The following GRK3 variants were observed in gnomAD, a reference collection of about 807,000 sequenced individuals.
GRK3 encodes the protein adrenergic, beta, receptor kinase 2.
Under a neutral mutation model 95.7 loss-of-function variants are expected in GRK3, and 54 were observed. That is an observed-to-expected ratio of 0.56 (90% confidence interval 0.45 to 0.71). GRK3 has a LOEUF of 0.71. GRK3 is among the 30% of genes least tolerant of loss of function. GRK3 has a pLI of 0.00. For missense variants in GRK3, 649 were observed against 851.2 expected (o/e 0.76, Z 2.96); for synonymous variants, 281 against 290.8 (o/e 0.97, Z 0.34).
Position 25,636,538 on chromosome 22 carries a change from C to A in GRK3, c.191-8054C>A, listed in dbSNP as rs185224162. Among the ~76,000 whole-genome samples the A allele has an allele frequency of 2.3e-4, 35 of 152,250 alleles. No individual in the cohort carries two copies. In the East Asian group the frequency reaches 6.0e-3, roughly 26 times the overall value. ...TAACTCATACTGCTGTGAAAGCAAACCTACTAGCTAGAGTTAATATTTGTT... is the reference window on the plus strand; with the variant it reads ...TAACTCATACTGCTGTGAAAGCAAAACTACTAGCTAGAGTTAATATTTGTT... On this transcript the variant is annotated intron_variant, in intron 2 of 20. Coordinates refer to ENST00000324198, the MANE Select transcript of GRK3 (RefSeq NM_005160.4).
At chr22:25,579,313 A>C (rs995781396) in intron 1 of GRK3, among the ~76,000 whole-genome samples, 1 of 143,952 alleles carries the variant, frequency 6.9e-6, no homozygotes, top group Admixed American at 7.0e-5. Flanking sequence ...TGCCTGGCTA[A>C]TTTTTTTTTT....
chr22:25,612,436 T>G (rs1197149048), intron 2 of GRK3, among the ~76,000 whole-genome samples: 1 of 152,294 alleles, frequency 6.6e-6, no homozygotes, highest in Non-Finnish European at 1.5e-5. Flanking sequence ...TAGAATGAGT[T>G]TTTTTGTAGT....
At chr22:25,647,050 G>GA (rs1373267909) in intron 3 of GRK3, among the ~76,000 whole-genome samples, 2 of 135,516 alleles carry the variant, frequency 1.5e-5, no homozygotes, top group Non-Finnish European at 3.2e-5. Flanking sequence ...AAAAGAAAAA[G>GA]AAAAAAAATG....
intron 2 of GRK3, among the ~76,000 whole-genome samples, chr22:25,613,929 A>G (rs564674999): frequency 6.6e-6 from 1 of 151,040 alleles, no homozygotes; most frequent in African/African-American, 2.4e-5. Context: ...TTTTAAACCC[A>G]GCTTAGTAGG....
Position 25,604,449 on chromosome 22 carries a change from A to G in GRK3, c.186A>G (p.Lys62=), listed in dbSNP as rs2084430340. ...CCTTTGACAAGATTTTCAATCAGAA[A>G]ATTGGTAAGTCCTGCTTGTTCATTT... is the stretch of plus-strand genomic sequence containing the variant. ...EITFDKIFNQ[K]IGFLLFKDFC... is the part of the protein sequence containing the mutation. The change falls in exon 2 of 21, where the codon AAA becomes AAG. Residue 62 remains lysine (K), a synonymous_variant. Coordinates refer to ENST00000324198, the MANE Select transcript of GRK3 (RefSeq NM_005160.4). 1.9e-6 allele frequency: 3 copies of G among 1,609,642 alleles called. No individual in the cohort carries two copies. Among genetic ancestry groups the G allele is most frequent in the Admixed American group, 3.4e-5 (2 of 59,524 alleles).
intron 1 of GRK3, among the ~76,000 whole-genome samples, chr22:25,586,153 C>T (rs1425406856): frequency 6.6e-6 from 1 of 152,232 alleles, no homozygotes; most frequent in Non-Finnish European, 1.5e-5. Flanking sequence ...GGACATTTCA[C>T]AGTGACATGT....
chr22:25,659,235 A>G (rs985493228), intron 3 of GRK3, among the ~76,000 whole-genome samples: 1 of 152,160 alleles, frequency 6.6e-6, no homozygotes, highest in African/African-American at 2.4e-5. Flanking sequence ...AGAATATTTC[A>G]AAGAAGGCAT....
intron 3 of GRK3, among the ~76,000 whole-genome samples, chr22:25,658,680 C>T (rs2084889660): frequency 6.6e-6 from 1 of 152,066 alleles, no homozygotes; most frequent in South Asian, 2.1e-4. Flanking sequence ...TGGTTCTGAC[C>T]AGAAGCAGAG....
At chr22:25,651,068 A>G (rs529688370) in intron 3 of GRK3, among the ~76,000 whole-genome samples, 24 of 152,246 alleles carry the variant, frequency 1.6e-4, no homozygotes, top group Non-Finnish European at 2.9e-4. Flanking sequence ...TTTAAAATGA[A>G]TAATGGCAGC....
Position 25,704,144 on chromosome 22 carries a change from G to A in GRK3, c.1263G>A (p.Leu421=). 1.9e-6 allele frequency: 3 copies of A among 1,613,732 alleles called. No homozygotes were observed. Among genetic ancestry groups the A allele is most frequent in the Non-Finnish European group, 2.5e-6 (3 of 1,179,800 alleles). The change falls in exon 15 of 21, where the codon CTG becomes CTA. Residue 421 remains leucine, a synonymous_variant. Coordinates refer to ENST00000324198, the MANE Select transcript of GRK3 (RefSeq NM_005160.4). ...VELPDTFSPE[L]KSLLEGLLQR... ...TTCCAGACACCTTCTCTCCTGAACT[G>A]AAGTCCCTTTTGGAGGGCTTGCTTC...
chr22:25,722,233 G>A (rs144101289), intron 20 of GRK3, 56 bp from the exon 21 acceptor site: 124 of 1,595,610 alleles, frequency 7.8e-5, no homozygotes, highest in East Asian at 2.9e-4. Context: ...GGCAGCCTCC[G>A]CTGTTGGCAA....
intron 11 of GRK3, among the ~76,000 whole-genome samples, chr22:25,688,436 C>T (rs1050014965): frequency 3.9e-5 from 6 of 151,956 alleles, no homozygotes; most frequent in Admixed American, 1.3e-4. Flanking sequence ...ATAGAATGGC[C>T]GAGTCATAAC....
At chr22:25,685,912 C>A (rs1238331300) in intron 10 of GRK3, among the ~76,000 whole-genome samples, 1 of 138,892 alleles carries the variant, frequency 7.2e-6, no homozygotes, top group Non-Finnish European at 1.5e-5. Context: ...TTATCATGTT[C>A]TGAGTGTTTG....
chr22:25,651,250 T>C (rs2084828566), intron 3 of GRK3, among the ~76,000 whole-genome samples: 1 of 152,246 alleles, frequency 6.6e-6, no homozygotes, highest in South Asian at 2.1e-4. Context: ...GTCTAGTGTG[T>C]ATGTTATAAA....
chr22:25,625,527 C>T (rs1020076637), intron 2 of GRK3, among the ~76,000 whole-genome samples: 3 of 152,218 alleles, frequency 2.0e-5, no homozygotes, highest in African/African-American at 7.2e-5. Flanking sequence ...CAAGGAACAA[C>T]ACTCGCTACT....
chr22:25,653,340 C>T (rs368557014), intron 3 of GRK3, among the ~76,000 whole-genome samples: 2 of 152,046 alleles, frequency 1.3e-5, no homozygotes, highest in African/African-American at 2.4e-5. Context: ...TGATATAATA[C>T]GAACACTAAC....
Position 25,661,654 on chromosome 22 carries a change from A to C in GRK3, c.343A>C (p.Lys115Gln). The change falls in exon 4 of 21, where the codon AAG becomes CAG. Residue 115 changes from lysine (K) to glutamine (Q), a missense_variant. This residue lies in a region of GRK3 where 206 missense variants were observed against 231.4 expected (regional missense o/e 0.89). Coordinates refer to ENST00000324198, the MANE Select transcript of GRK3 (RefSeq NM_005160.4). ...SRQIYDAYIMKELLSCSHPFS... is the reference protein window; with the variant it reads ...SRQIYDAYIMQELLSCSHPFS... ...ACAAATTTATGATGCCTACATCATG[A>C]AGGAACTTCTTTCCTGTTCACATGT... 6.2e-7 allele frequency: 1 copy of C among 1,611,300 alleles called. No individual in the cohort carries two copies. Among genetic ancestry groups the C allele is most frequent in the Non-Finnish European group, 8.5e-7 (1 of 1,177,846 alleles).
At chr22:25,599,383 G>T (rs1376450292) in intron 1 of GRK3, among the ~76,000 whole-genome samples, 16 of 152,170 alleles carry the variant, frequency 1.1e-4, no homozygotes, top group Middle Eastern at 3.4e-3. Flanking sequence ...ACGAGGTCAG[G>T]AGATCAAGAC....
Position 25,609,847 on chromosome 22 carries a change from T to G in GRK3, c.190+5394T>G, listed in dbSNP as rs1416303263. The stretch of plus-strand genomic sequence containing the variant: ...ACACAAAAACTTTGCAATTTTTACT[T>G]TTTTTTTTTTTTTTTTTTGAGACAG... On this transcript the variant is annotated intron_variant, in intron 2 of 20. Transcript: ENST00000324198. 7.3e-5 allele frequency among the ~76,000 whole-genome samples: 10 copies of G among 137,386 alleles called. No individual in the cohort carries two copies. In the East Asian group the frequency reaches 1.9e-3, roughly 27 times the overall value. The allele number at this position is 137,386 out of a possible 152,430, so 90.1% of individuals were successfully genotyped here.
Sources: allele counts gnomAD v4.1 joint callset (sites outside exome capture counted in the v4.1 genomes callset), GRCh38; gene constraint gnomAD v4.1.1; regional missense constraint gnomAD v4.1.1; transcripts MANE v1.5; gene names NCBI Gene and HGNC (gene_info 2026-07-23, HGNC 2026-07-21).